The following MORC1 variants were observed in gnomAD, a reference collection of about 807,000 sequenced individuals.
The protein encoded by MORC1 is MORC family CW-type zinc finger protein 1.
Under a neutral mutation model 134.9 loss-of-function variants are expected in MORC1, and 59 were observed. The observed-to-expected ratio is 0.44, with a 90% CI of 0.35 to 0.54. The LOEUF (loss-of-function observed/expected upper bound fraction) is 0.54, where lower values mean the gene tolerates loss of function less well. Ranked by LOEUF, MORC1 falls within the 20% of genes least tolerant of loss-of-function variation. The probability of loss-of-function intolerance (pLI) is 0.00; values close to 1 mark genes in which losing one functional copy is unlikely to be tolerated. For synonymous variants in MORC1, 395 were observed against 391.7 expected, an observed-to-expected ratio of 1.01 and a Z score of -0.10; for missense variants, 947 against 1,134.5, an observed-to-expected ratio of 0.83 and a Z score of 2.37.
At chr3:109,020,442 G>A (rs1948928684) in intron 17 of MORC1, among the ~76,000 whole-genome samples, 1 of 152,070 alleles carries the variant, frequency 6.6e-6, no homozygotes, top group South Asian at 2.1e-4. Context: ...GGAGTGGAGA[G>A]GTTAAATCAC....
chr3:108,969,304 TAAAA>T (rs1347984334), intron 26 of MORC1, among the ~76,000 whole-genome samples: 1 of 152,152 alleles, frequency 6.6e-6, no homozygotes, highest in Non-Finnish European at 1.5e-5. Flanking sequence ...ATAAGGTACT[TAAAA>T]AACTCAGAGC....
chr3:109,069,783 C>A, intron 8 of MORC1, 26 bp from the exon 9 acceptor site: 1 of 1,600,706 alleles, frequency 6.2e-7, no homozygotes, highest in Non-Finnish European at 8.5e-7. Flanking sequence ...CAAAATGTCA[C>A]AATACAGAGG....
intron 25 of MORC1, 110 bp from the exon 26 acceptor site, chr3:108,969,832 A>G: frequency 9.8e-7 from 1 of 1,016,330 alleles, no homozygotes; most frequent in African/African-American, 1.6e-5. Flanking sequence ...AAAGCCTAGA[A>G]CTGGCCAACA....
At chr3:108,998,327 G>A (rs374481541) in intron 21 of MORC1, among the ~76,000 whole-genome samples, 19 of 152,254 alleles carry the variant, frequency 1.2e-4, no homozygotes, top group Admixed American at 7.8e-4. Context: ...AGTCATCCCC[G>A]TGAGATGAAG....
intron 21 of MORC1, among the ~76,000 whole-genome samples, chr3:108,995,785 G>A (rs893349941): frequency 5.1e-4 from 77 of 152,222 alleles, no homozygotes; most frequent in African/African-American, 1.8e-3. Context: ...CATGGATGAT[G>A]GATTGGTCTT....
chr3:109,007,620 A>G (rs1206789295), intron 17 of MORC1, among the ~76,000 whole-genome samples: 1 of 152,026 alleles, frequency 6.6e-6, no homozygotes, highest in African/African-American at 2.4e-5. Context: ...GACTTTCCCA[A>G]CCTTGTCCAT....
Position 109,093,560 on chromosome 3 carries a change from T to A in MORC1, c.584-19A>T, listed in dbSNP as rs779726088. ...AAAGTACCTGGTAGAAAAATAGATG[T>A]TTGACTTGTCAGTATTTTAAATACA... On this transcript the variant is annotated intron_variant, in intron 7 of 27. Transcript: ENST00000232603. The A allele has an allele frequency of 7.2e-6, 11 of 1,524,406 alleles. No homozygotes were observed. The highest frequency in any genetic ancestry group is 9.1e-6 in the Non-Finnish European group (10 of 1,099,196). 94.4% of individuals were successfully genotyped at this position (1,524,406 alleles called of 1,614,324 possible). A position where few individuals can be genotyped will look rare whatever the true frequency, so the allele number is the denominator to read the frequency against.
chr3:108,995,098 C>A (rs1948164048), intron 21 of MORC1, among the ~76,000 whole-genome samples: 1 of 152,194 alleles, frequency 6.6e-6, no homozygotes, highest in South Asian at 2.1e-4. Flanking sequence ...ATTCCCAGAT[C>A]CAGGGTGGTA....
chr3:108,964,058 T>C (rs1247959196), intron 26 of MORC1, among the ~76,000 whole-genome samples: 1 of 152,214 alleles, frequency 6.6e-6, no homozygotes, highest in African/African-American at 2.4e-5. Flanking sequence ...GTGTTACTTG[T>C]AAGGCAAGGC....
At chr3:109,117,164 T>C (rs1169908371) in intron 1 of MORC1, among the ~76,000 whole-genome samples, 1 of 152,076 alleles carries the variant, frequency 6.6e-6, no homozygotes, top group Non-Finnish European at 1.5e-5. Flanking sequence ...GAGTATCTGC[T>C]GAATATTGCC....
At chr3:108,982,583 T>TGGGG (rs61336975) in intron 23 of MORC1, among the ~76,000 whole-genome samples, 13 of 126,444 alleles carry the variant, frequency 1.0e-4, no homozygotes, top group African/African-American at 4.0e-4. Context: ...TGTCGTGGGA[T>TGGGG]GGGGGGGGCA....
intron 14 of MORC1, among the ~76,000 whole-genome samples, chr3:109,036,096 C>T (rs1949372664): frequency 6.6e-6 from 1 of 151,916 alleles, no homozygotes; most frequent in Admixed American, 6.6e-5. Flanking sequence ...ACATAAGTTG[C>T]CATGTATATT....
chr3:109,072,858 A>G (rs1950346281), intron 8 of MORC1, among the ~76,000 whole-genome samples: 1 of 151,648 alleles, frequency 6.6e-6, no homozygotes, highest in Non-Finnish European at 1.5e-5. Flanking sequence ...CCATATCTCT[A>G]TCTTTCTCTC....
Position 108,979,557 on chromosome 3 carries a change from G to A in MORC1, c.2435C>T (p.Thr812Ile). ...VASSPASSQS[T>I]PVKETVRKLK... The stretch of plus-strand genomic sequence containing the variant: ...TTTTCTCACTGTTTCCTTGACAGGT[G>A]TGCTTTGAGAAGACGCTGGCGAAGA... Residue 812 changes from threonine to isoleucine, a missense_variant, in exon 24 of 28, where the codon ACA (threonine) becomes ATA (isoleucine). By Grantham distance (89) the Thr-to-Ile change is moderately conservative. Transcript: ENST00000232603. 6.2e-7 allele frequency: 1 copy of A among 1,614,146 alleles called. No homozygotes were observed. The highest frequency in any genetic ancestry group is 8.5e-7 in the Non-Finnish European group (1 of 1,180,000).
chr3:108,987,617 G>A lies in MORC1; in HGVS notation c.2188-668C>T, dbSNP rs544748726. On this transcript the variant is annotated intron_variant, in intron 21 of 27. Transcript: ENST00000232603. ...ATGGATATGTGCTGGTGTGCGATTG[G>A]GAGGCTGAGAGGGTGGGAGTGGATG... Among the ~76,000 whole-genome samples the A allele has an allele frequency of 3.9e-5, 6 of 152,154 alleles. No individual in the cohort carries two copies. In the East Asian group the frequency reaches 1.2e-3, roughly 29 times the overall value.
In MORC1 at chr3:109,009,204, G is replaced by GTT. The variant is rs1207320361; in HGVS notation, c.1705-2115_1705-2114dup. ...GTTCTTTCCTATTTTTACGTTTTTT[G>GTT]TTGTTTTTTTTTTTTTTTTTGAGAC... On this transcript the variant is annotated intron_variant, in intron 17 of 27. Transcript: ENST00000232603. Among the ~76,000 whole-genome samples the GTT allele has an allele frequency of 1.9e-4, 18 of 96,772 alleles. 1 individual carries two copies. The highest frequency in any genetic ancestry group is 1.9e-4 in the Non-Finnish European group (8 of 42,144). 63.5% of individuals were successfully genotyped at this position (96,772 alleles called of 152,430 possible).
chr3:109,102,437 A>G (rs1950946217), intron 4 of MORC1, among the ~76,000 whole-genome samples: 1 of 152,212 alleles, frequency 6.6e-6, no homozygotes, highest in Non-Finnish European at 1.5e-5. Context: ...AAAATCACTC[A>G]GGATGCTGTG....
chr3:109,020,087 T>C (rs1011564650), intron 17 of MORC1, among the ~76,000 whole-genome samples: 1 of 152,222 alleles, frequency 6.6e-6, no homozygotes. Flanking sequence ...TAACTTCATA[T>C]TTATAGTTTG....
intron 14 of MORC1, among the ~76,000 whole-genome samples, chr3:109,046,518 C>G (rs1029927752): frequency 6.6e-6 from 1 of 152,132 alleles, no homozygotes; most frequent in Admixed American, 6.5e-5. Flanking sequence ...ATAGCCTAGT[C>G]AGCTCTGTAT....
Sources: gnomAD v4.1 joint callset for allele counts (sites outside exome capture counted in the v4.1 genomes callset) on GRCh38, gnomAD v4.1.1 for gene constraint, MANE v1.5 for transcripts, NCBI Gene and HGNC (gene_info 2026-07-23, HGNC 2026-07-21) for gene names.